RASSF8: variants seen among roughly 807,000 people sequenced by gnomAD.
RASSF8 encodes the protein Ras association domain family member 8.
RASSF8 carries 22 observed loss-of-function variants against 48.5 expected under a neutral mutation model. That is an observed-to-expected ratio of 0.45 (90% CI 0.32 to 0.65). RASSF8 has a LOEUF of 0.65. Ranked by LOEUF, RASSF8 falls within the 30% of genes least tolerant of loss-of-function variation. The probability of loss-of-function intolerance (pLI) is 0.03; values close to 1 mark genes in which losing one functional copy is unlikely to be tolerated. For missense variants in RASSF8, 418 were observed against 489.2 expected, an observed-to-expected ratio of 0.85 and a Z score of 1.37; for synonymous variants, 127 against 171.5, an observed-to-expected ratio of 0.74 and a Z score of 2.03.
At chr12:26,002,289 C>T (rs1036538722) in intron 2 of RASSF8, among the ~76,000 whole-genome samples, 8 of 151,454 alleles carry the variant, frequency 5.3e-5, no homozygotes, top group African/African-American at 9.7e-5. Context: ...AAAAATTAGT[C>T]GGGCTTGGTA....
chr12:26,070,047 C>T lies in RASSF8; in HGVS notation c.*1229C>T. 1 of 983,314 alleles carries T rather than the reference C, an allele frequency of 1.0e-6. No homozygotes were observed. The highest frequency in any genetic ancestry group is 1.2e-6 in the Non-Finnish European group (1 of 828,022). The allele number at this position is 983,314 out of a possible 1,614,324, so 60.9% of individuals were successfully genotyped here. On this transcript the variant is annotated 3_prime_UTR_variant, in exon 6 of 6. Transcript: ENST00000689635. ...TGAGTAGTGACTTAACTAAGATTTA[C>T]AAGTAATATTTAGACAGATTCAGTC... is the stretch of plus-strand genomic sequence containing the variant.
chr12:26,064,672 T>A lies in RASSF8; in HGVS notation c.278T>A (p.Val93Glu), dbSNP rs767612302. The A allele has an allele frequency of 6.2e-7, 1 of 1,614,100 alleles. No individual in the cohort carries two copies. The highest frequency in any genetic ancestry group is 8.5e-7 in the Non-Finnish European group (1 of 1,179,994). ...AGTGAGCGACCCACTTCAGACAGTG[T>A]GGCTCGAATTCCTGAAAGAACTTTA... ...SLSERPTSDS[V>E]ARIPERTLYR... is the part of the protein sequence containing the mutation. The change falls in exon 4 of 6, where the codon GTG becomes GAG. Residue 93 changes from valine to glutamate, a missense_variant. Val to Glu is a moderately radical substitution (Grantham distance 121, BLOSUM62 -2). Coordinates refer to ENST00000689635, the MANE Select transcript of RASSF8 (RefSeq NM_001394098.1).
intron 3 of RASSF8, among the ~76,000 whole-genome samples, chr12:26,062,828 A>G (rs1236852407): frequency 6.6e-6 from 1 of 152,212 alleles, no homozygotes; most frequent in Non-Finnish European, 1.5e-5. Flanking sequence ...TGGGCCAGGC[A>G]GTGTGGTAGG....
rs868485474 is a variant in RASSF8, at chr12:26,034,639, A to G, written c.-108-20597A>G. The stretch of plus-strand genomic sequence containing the variant: ...AGATCATTATTCTTTCTGACAGGCT[A>G]AGTAACTCCTATTCCTTTTCCTCCA... On this transcript the variant is annotated intron_variant, in intron 2 of 5. Transcript: ENST00000689635. Among the ~76,000 whole-genome samples the G allele has an allele frequency of 7.9e-5, 12 of 152,218 alleles. 1 individual carries two copies. The Middle Eastern group carries it at 0.024, about 302-fold the overall frequency.
At chr12:25,958,653 G>GGCCCGGCCCT (rs1941140439), upstream of RASSF8, 1 of 144,970 alleles carries the variant, frequency 6.9e-6, no homozygotes, top group African/African-American at 2.5e-5. Flanking sequence ...GGCCCGGCCC[G>GGCCCGGCCCT]GCCCGGCCCC....
intron 2 of RASSF8, among the ~76,000 whole-genome samples, chr12:26,007,897 A>AT (rs1565615661): frequency 1.3e-5 from 2 of 152,234 alleles, no homozygotes; most frequent in African/African-American, 4.8e-5. Context: ...GAAAAATTAC[A>AT]TTTTTTATTC....
At chr12:26,065,635 A>G (rs1943856912) in intron 4 of RASSF8, among the ~76,000 whole-genome samples, 1 of 152,188 alleles carries the variant, frequency 6.6e-6, no homozygotes, top group Non-Finnish European at 1.5e-5. Flanking sequence ...GATGGAATGG[A>G]CACTAATGAT....
At position 26,071,229 on chromosome 12, in the gene RASSF8, T is replaced by C; in HGVS notation, c.*2411T>C. The C allele has an allele frequency of 1.0e-6, 1 of 982,122 alleles. No individual in the cohort carries two copies. The highest frequency in any genetic ancestry group is 4.7e-5 in the South Asian group (1 of 21,220). 60.8% of individuals were successfully genotyped at this position (982,122 alleles called of 1,614,324 possible). ...ATAGGATCATCTGAAGATACTTTAG[T>C]ATATTTGTGATCATTTTTATCTATT... On this transcript the variant is annotated 3_prime_UTR_variant, in exon 6 of 6. Coordinates refer to ENST00000689635, the MANE Select transcript of RASSF8 (RefSeq NM_001394098.1).
intron 1 of RASSF8, among the ~76,000 whole-genome samples, chr12:25,968,766 G>A (rs1004636466): frequency 6.6e-6 from 1 of 152,174 alleles, no homozygotes; most frequent in East Asian, 1.9e-4. Context: ...CTGTACTAGG[G>A]GGAGAGAGAT....
intron 2 of RASSF8, among the ~76,000 whole-genome samples, chr12:26,028,847 G>C (rs1260766640): frequency 6.6e-6 from 1 of 152,156 alleles, no homozygotes; most frequent in East Asian, 1.9e-4. Flanking sequence ...ATAGATTAAA[G>C]ATCTCTTTCT....
intron 1 of RASSF8, among the ~76,000 whole-genome samples, chr12:25,990,060 CTTATT>C (rs111940337): frequency 0.029 from 4,385 of 152,170 alleles, 190 homozygotes; most frequent in African/African-American, 0.098. Context: ...GTGCCTGGGA[CTTATT>C]TGTTGAGTGC....
In RASSF8 at chr12:26,069,397, C is replaced by T. The variant is rs2137330773; in HGVS notation, c.*579C>T. On this transcript the variant is annotated 3_prime_UTR_variant, in exon 6 of 6. Transcript: ENST00000689635. Reference sequence around the variant, plus strand: ...ATTTGTTTTGTGAAACTGTCCTAGCCATTGCTTAATTAGGTGAAATAATTC... The same window carrying T: ...ATTTGTTTTGTGAAACTGTCCTAGCTATTGCTTAATTAGGTGAAATAATTC... 1.0e-6 allele frequency: 1 copy of T among 985,070 alleles called. No individual in the cohort carries two copies. The highest frequency in any genetic ancestry group is 1.2e-6 in the Non-Finnish European group (1 of 829,588). 61.0% of individuals were successfully genotyped at this position (985,070 alleles called of 1,614,324 possible).
intron 1 of RASSF8, among the ~76,000 whole-genome samples, chr12:25,964,006 A>G (rs563326480): frequency 2.4e-4 from 36 of 152,322 alleles, no homozygotes; most frequent in African/African-American, 8.4e-4. Context: ...ACCTGATTTT[A>G]AAAATGTTGA....
At chr12:26,000,486 T>C (rs1942229529) in intron 2 of RASSF8, among the ~76,000 whole-genome samples, 1 of 152,298 alleles carries the variant, frequency 6.6e-6, no homozygotes, top group South Asian at 2.1e-4. Flanking sequence ...TTTCTTTCTA[T>C]AATATGTAAT....
At chr12:26,057,459 A>C (rs1433459775) in intron 3 of RASSF8, among the ~76,000 whole-genome samples, 1 of 152,118 alleles carries the variant, frequency 6.6e-6, no homozygotes, top group East Asian at 1.9e-4. Flanking sequence ...ACATGGACTC[A>C]TCCTTTTTTA....
At chr12:25,977,278 A>AGTTTGCATGGATTCATCCTT (rs1220465273) in intron 1 of RASSF8, among the ~76,000 whole-genome samples, 4 of 152,170 alleles carry the variant, frequency 2.6e-5, no homozygotes, top group African/African-American at 9.7e-5. Flanking sequence ...ATCACTGAGA[A>AGTTTGCATGGATTCATCCTT]GTTTGCATGG....
At chr12:25,995,419 A>G (rs1480767499) in intron 2 of RASSF8, among the ~76,000 whole-genome samples, 1 of 152,174 alleles carries the variant, frequency 6.6e-6, no homozygotes, top group Non-Finnish European at 1.5e-5. Context: ...CTGAAGCAAA[A>G]TATTTCAAAG....
chr12:25,997,132 G>A (rs905737052), intron 2 of RASSF8, among the ~76,000 whole-genome samples: 5 of 152,112 alleles, frequency 3.3e-5, no homozygotes, highest in Non-Finnish European at 5.9e-5. Flanking sequence ...TTGTTAGGCT[G>A]TGTGAAAAGA....
intron 1 of RASSF8, among the ~76,000 whole-genome samples, chr12:25,976,491 C>T (rs539614868): frequency 1.3e-5 from 2 of 152,328 alleles, no homozygotes; most frequent in South Asian, 4.1e-4. Context: ...TCACTTCAGC[C>T]TCTGGTTGGC....
Sources: gnomAD v4.1 joint callset for allele counts (sites outside exome capture counted in the v4.1 genomes callset) on GRCh38, gnomAD v4.1.1 for gene constraint, MANE v1.5 for transcripts, NCBI Gene and HGNC (gene_info 2026-07-23, HGNC 2026-07-21) for gene names.